The following ACAP2 variants were observed in gnomAD, a reference collection of about 807,000 sequenced individuals.
ACAP2 encodes the protein arf-GAP with coiled-coil, ANK repeat and PH domain-containing protein 2.
Under a neutral mutation model 115.8 loss-of-function variants are expected in ACAP2, and 39 were observed. That is an observed-to-expected ratio of 0.34 (90% CI 0.26 to 0.44). ACAP2 has a LOEUF of 0.44. ACAP2 is among the 20% of genes least tolerant of loss of function. The pLI is 1.00. For synonymous variants in ACAP2, 289 were observed against 315.8 expected (o/e 0.92, Z 0.90); for missense variants, 662 against 927.6 (o/e 0.71, Z 3.72).
At chr3:195,420,550 G>A (rs879573099) in intron 1 of ACAP2, among the ~76,000 whole-genome samples, 14 of 151,910 alleles carry the variant, frequency 9.2e-5, no homozygotes, top group South Asian at 4.2e-4. Context: ...GGGTTTCACC[G>A]TGTTAGATGG....
intron 4 of ACAP2, among the ~76,000 whole-genome samples, chr3:195,348,021 G>C (rs1158890448): frequency 1.4e-5 from 2 of 139,398 alleles, no homozygotes; most frequent in African/African-American, 5.4e-5. Context: ...TATCTCGAAA[G>C]AAAAGAAGAA....
At chr3:195,439,557 T>A (rs1206917203) in intron 1 of ACAP2, among the ~76,000 whole-genome samples, 1 of 152,216 alleles carries the variant, frequency 6.6e-6, no homozygotes, top group Non-Finnish European at 1.5e-5. Flanking sequence ...AATTTATTTA[T>A]TCTACTTTTT....
At chr3:195,403,210 T>C (rs1373152414) in intron 1 of ACAP2, among the ~76,000 whole-genome samples, 1 of 152,092 alleles carries the variant, frequency 6.6e-6, no homozygotes, top group African/African-American at 2.4e-5. Flanking sequence ...TCCTGGAACG[T>C]TCAATAGCAA....
At chr3:195,327,197 T>C (rs1372623772) in intron 8 of ACAP2, among the ~76,000 whole-genome samples, 1 of 152,180 alleles carries the variant, frequency 6.6e-6, no homozygotes, top group Non-Finnish European at 1.5e-5. Flanking sequence ...CATGGTGCCA[T>C]ACATATACGA....
intron 16 of ACAP2, 83 bp from the exon 17 acceptor site, chr3:195,295,975 T>C (rs1577251692): frequency 3.6e-6 from 4 of 1,123,642 alleles, no homozygotes; most frequent in African/African-American, 3.1e-5. Flanking sequence ...ATACTGAACA[T>C]ATTCAAACAA....
Position 195,430,512 on chromosome 3 carries a change from G to A in ACAP2, c.53+12283C>T, listed in dbSNP as rs552953557. ...GCAGATCACTTGAGGTCAGAAGTTC[G>A]AGACCATACCTGGCCAACATGGCGA... On this transcript the variant is annotated intron_variant, in intron 1 of 22. Coordinates refer to ENST00000326793, the MANE Select transcript of ACAP2 (RefSeq NM_012287.6). 3.9e-5 allele frequency among the ~76,000 whole-genome samples: 6 copies of A among 152,204 alleles called. No individual in the cohort carries two copies. In the South Asian group the frequency reaches 1.0e-3, roughly 26 times the overall value.
intron 4 of ACAP2, among the ~76,000 whole-genome samples, chr3:195,365,588 A>C (rs1205084110): frequency 6.6e-6 from 1 of 151,944 alleles, no homozygotes; most frequent in Non-Finnish European, 1.5e-5. Context: ...AAACACATTA[A>C]GTATTACTCA....
At chr3:195,285,563 G>GTGTAC (rs1726788886) in intron 22 of ACAP2, 1 of 429,002 alleles carries the variant, frequency 2.3e-6, no homozygotes, top group East Asian at 3.6e-5. Context: ...GCAAGTCAAT[G>GTGTAC]TGTACTGTCA....
At chr3:195,416,047 T>C (rs1713696041) in intron 1 of ACAP2, among the ~76,000 whole-genome samples, 3 of 152,130 alleles carry the variant, frequency 2.0e-5, no homozygotes, top group African/African-American at 4.8e-5. Flanking sequence ...ACAATTAACA[T>C]GAAAAGATGC....
At chr3:195,425,350 T>A (rs1009769109) in intron 1 of ACAP2, among the ~76,000 whole-genome samples, 1 of 152,174 alleles carries the variant, frequency 6.6e-6, no homozygotes, top group Non-Finnish European at 1.5e-5. Flanking sequence ...AATTCATCAA[T>A]TGTACAATAA....
chr3:195,434,309 T>C (rs1382796848), intron 1 of ACAP2, among the ~76,000 whole-genome samples: 2 of 152,148 alleles, frequency 1.3e-5, no homozygotes, highest in Non-Finnish European at 2.9e-5. Context: ...TACAGCTCAC[T>C]GTAGCCTCAA....
chr3:195,369,094 CAA>C (rs10540801), intron 4 of ACAP2, among the ~76,000 whole-genome samples: 35,195 of 111,466 alleles, frequency 0.32, 4,803 homozygotes, highest in East Asian at 0.72. Context: ...CAAAAACAAA[CAA>C]AAAAAAAAAA....
intron 4 of ACAP2, among the ~76,000 whole-genome samples, chr3:195,369,784 T>C (rs1732994045): frequency 6.6e-6 from 1 of 152,186 alleles, no homozygotes; most frequent in African/African-American, 2.4e-5. Flanking sequence ...TGTAATGGGA[T>C]TGCTGGGTCA....
At chr3:195,363,045 T>C (rs1167804619) in intron 4 of ACAP2, among the ~76,000 whole-genome samples, 1 of 152,152 alleles carries the variant, frequency 6.6e-6, no homozygotes, top group African/African-American at 2.4e-5. Flanking sequence ...TATGACCCTA[T>C]ATTTGGACTA....
chr3:195,351,137 G>T (rs1731552095), intron 4 of ACAP2, among the ~76,000 whole-genome samples: 1 of 124,330 alleles, frequency 8.0e-6, no homozygotes, highest in South Asian at 2.9e-4. Context: ...TTTGGGCGGG[G>T]GACAGGGTCT....
chr3:195,338,502 G>A (rs1182697014), intron 6 of ACAP2, among the ~76,000 whole-genome samples: 2 of 152,010 alleles, frequency 1.3e-5, no homozygotes, highest in Non-Finnish European at 2.9e-5. Flanking sequence ...TTTACTTTTT[G>A]TAGAGACAGG....
chr3:195,391,474 T>A (rs984757839), intron 2 of ACAP2, among the ~76,000 whole-genome samples: 3 of 151,436 alleles, frequency 2.0e-5, no homozygotes, highest in Non-Finnish European at 4.4e-5. Context: ...GATCCGCCCA[T>A]CTCAGCCTCC....
At chr3:195,404,457 C>A (rs1712569283) in intron 1 of ACAP2, among the ~76,000 whole-genome samples, 2 of 151,852 alleles carry the variant, frequency 1.3e-5, no homozygotes, top group Non-Finnish European at 2.9e-5. Flanking sequence ...GAATTATAGG[C>A]AGCACATGAG....
At chr3:195,400,068 C>T (rs1197256561) in intron 1 of ACAP2, among the ~76,000 whole-genome samples, 1 of 151,878 alleles carries the variant, frequency 6.6e-6, no homozygotes. Context: ...ATCCCAGCTA[C>T]TCGGGGGGCT....
Sources: gnomAD v4.1 joint callset for allele counts (sites outside exome capture counted in the v4.1 genomes callset) on GRCh38, gnomAD v4.1.1 for gene constraint, MANE v1.5 for transcripts, NCBI Gene and HGNC (gene_info 2026-07-23, HGNC 2026-07-21) for gene names.